Variants in PDAP1 observed in about 807,000 individuals in gnomAD.
The protein encoded by PDAP1 is PDGFA associated protein 1.
In PDAP1, 13 loss-of-function variants were observed where a neutral mutation model predicts 28.0. The observed-to-expected ratio is 0.46, with a 90% CI of 0.30 to 0.74. PDAP1 has a LOEUF of 0.74. Ranked by LOEUF, PDAP1 falls within the 30% of genes least tolerant of loss-of-function variation. PDAP1 has a pLI of 0.07. For missense variants in PDAP1, 150 were observed against 230.0 expected, an observed-to-expected ratio of 0.65 and a Z score of 2.25; for synonymous variants, 77 against 85.1, an observed-to-expected ratio of 0.91 and a Z score of 0.52.
At chr7:99,403,328 A>C (rs560802562) in intron 3 of PDAP1, 70 bp downstream of exon 3, 4 of 932,748 alleles carry the variant, frequency 4.3e-6, no homozygotes, top group Middle Eastern at 2.6e-4. Flanking sequence ...GACTAGTACT[A>C]AACGGTCACT....
chr7:99,408,496 G>T (rs1295197258), intron 1 of PDAP1, 40 bp downstream of exon 1: 4 of 1,335,284 alleles, frequency 3.0e-6, no homozygotes, highest in South Asian at 1.8e-5. Flanking sequence ...GACCTGGGCC[G>T]CCCCTCCAGG....
chr7:99,406,630 G>A lies in PDAP1; in HGVS notation c.14-1677C>T, dbSNP rs553239894. ...CCATCAGCCAGTTTTAAAGCAAGGT[G>A]GCATCCCCCTCTGCTGGTCCCCAAG... On this transcript the variant is annotated intron_variant, in intron 1 of 5. Coordinates refer to ENST00000350498, the MANE Select transcript of PDAP1 (RefSeq NM_014891.7). The A allele has an allele frequency of 3.0e-6, 3 of 985,000 alleles. No homozygotes were observed. In the East Asian group the frequency reaches 3.4e-4, roughly 112 times the overall value. 61.0% of individuals were successfully genotyped at this position (985,000 alleles called of 1,614,324 possible).
intron 1 of PDAP1, among the ~76,000 whole-genome samples, chr7:99,407,403 G>C (rs190014095): frequency 3.3e-4 from 50 of 152,316 alleles, no homozygotes; most frequent in African/African-American, 1.1e-3. Context: ...CAATAGCAGA[G>C]AGACTTTTCC....
At chr7:99,404,258 C>A (rs1046324656) in intron 2 of PDAP1, among the ~76,000 whole-genome samples, 1 of 152,118 alleles carries the variant, frequency 6.6e-6, no homozygotes, top group Admixed American at 6.5e-5. Flanking sequence ...GGCCCTTGAT[C>A]CAGGCATCAA....
At chr7:99,407,396 T>C (rs987646588) in intron 1 of PDAP1, among the ~76,000 whole-genome samples, 4 of 152,172 alleles carry the variant, frequency 2.6e-5, no homozygotes, top group African/African-American at 9.7e-5. Context: ...TGGGGAACAA[T>C]AGCAGAGAGA....
Position 99,396,365 on chromosome 7 carries a change from G to C in PDAP1, c.*317C>G. On this transcript the variant is annotated 3_prime_UTR_variant, in exon 6 of 6. Coordinates refer to ENST00000350498, the MANE Select transcript of PDAP1 (RefSeq NM_014891.7). Reference sequence around the variant, plus strand: ...CTATCTATCTACCAGACAAATGAAAGCTCTTCTTACCCCATCTCCCAGGCA... The same window carrying C: ...CTATCTATCTACCAGACAAATGAAACCTCTTCTTACCCCATCTCCCAGGCA... 1 of 424,328 alleles carries C rather than the reference G, an allele frequency of 2.4e-6. No individual in the cohort carries two copies. The highest frequency in any genetic ancestry group is 4.4e-6 in the Non-Finnish European group (1 of 228,004). The allele number at this position is 424,328 out of a possible 1,614,324, so 26.3% of individuals were successfully genotyped here. A position where few individuals can be genotyped will look rare whatever the true frequency, so the allele number is the denominator to read the frequency against.
chr7:99,400,280 C>T (rs1263414406), intron 4 of PDAP1, 23 bp downstream of exon 4: 1 of 1,612,464 alleles, frequency 6.2e-7, no homozygotes, highest in Non-Finnish European at 8.5e-7. Flanking sequence ...CCCCGTGACA[C>T]AAGGCCCAGC....
At chr7:99,398,126 G>A (rs1794799962) in intron 4 of PDAP1, 113 bp from the exon 5 acceptor site, 1 of 1,239,312 alleles carries the variant, frequency 8.1e-7, no homozygotes. Context: ...TGGAAGGGGT[G>A]CCCTGGCTGT....
Position 99,404,866 on chromosome 7 carries a change from G to C in PDAP1, c.101C>G (p.Ala34Gly). 6.2e-7 allele frequency: 1 copy of C among 1,611,740 alleles called. No homozygotes were observed. The highest frequency in any genetic ancestry group is 8.5e-7 in the Non-Finnish European group (1 of 1,179,376). Residue 34 changes from alanine to glycine, a missense_variant, in exon 2 of 6, where the codon GCC (alanine) becomes GGC (glycine). Coordinates refer to ENST00000350498, the MANE Select transcript of PDAP1 (RefSeq NM_014891.7). Reference protein sequence around the residue: ...DAQLQAEKQKAREEEEQKEGG... With the variant: ...DAQLQAEKQKGREEEEQKEGG... ...CCTGGACAGGCACGTACTCACCCTG[G>C]CCTTCTGCTTCTCAGCCTGCAGCTG...
In PDAP1 at chr7:99,396,336, C is replaced by T. The variant is rs1794759280; in HGVS notation, c.*346G>A. ...GCCTCCTGGGACAACCACCCCCTTA[C>T]ATGCTATCTATCTACCAGACAAATG... On this transcript the variant is annotated 3_prime_UTR_variant, in exon 6 of 6. Coordinates refer to ENST00000350498, the MANE Select transcript of PDAP1 (RefSeq NM_014891.7). 2.7e-6 allele frequency: 1 copy of T among 365,498 alleles called. No individual in the cohort carries two copies. Among genetic ancestry groups the T allele is most frequent in the African/African-American group, 2.1e-5 (1 of 46,646 alleles). 22.6% of individuals were successfully genotyped at this position (365,498 alleles called of 1,614,324 possible).
chr7:99,398,976 G>A (rs887460048), intron 4 of PDAP1, among the ~76,000 whole-genome samples: 8 of 152,234 alleles, frequency 5.3e-5, no homozygotes, highest in Non-Finnish European at 1.0e-4. Context: ...GCTTCCTTTT[G>A]AGGATCTTCC....
intron 4 of PDAP1, among the ~76,000 whole-genome samples, chr7:99,398,753 A>T (rs1483517732): frequency 6.6e-6 from 1 of 152,220 alleles, no homozygotes; most frequent in Non-Finnish European, 1.5e-5. Context: ...AAGCAGCCAC[A>T]GGGCATAGGA....
intron 3 of PDAP1, 77 bp downstream of exon 3, chr7:99,403,321 T>A: frequency 1.2e-6 from 1 of 852,604 alleles, no homozygotes; most frequent in African/African-American, 1.7e-5. Flanking sequence ...CCTTTGGGAC[T>A]AGTACTAAAC....
At chr7:99,407,364 C>T (rs1268756541) in intron 1 of PDAP1, among the ~76,000 whole-genome samples, 1 of 152,178 alleles carries the variant, frequency 6.6e-6, no homozygotes, top group Non-Finnish European at 1.5e-5. Context: ...ATTCAGCAAC[C>T]TCCTTTTACA....
chr7:99,398,397 A>G (rs555058676), intron 4 of PDAP1, among the ~76,000 whole-genome samples: 20 of 152,332 alleles, frequency 1.3e-4, no homozygotes, highest in African/African-American at 4.3e-4. Context: ...ACCACATCCT[A>G]CAAGGAAGGA....
intron 3 of PDAP1, 130 bp downstream of exon 3, chr7:99,403,268 C>A: frequency 1.6e-6 from 1 of 641,258 alleles, no homozygotes; most frequent in Admixed American, 2.6e-5. Flanking sequence ...GTTGTATCTC[C>A]CGTAGTGTAA....
chr7:99,405,941 G>A (rs1794963510), intron 1 of PDAP1, among the ~76,000 whole-genome samples: 3 of 152,168 alleles, frequency 2.0e-5, no homozygotes, highest in African/African-American at 7.2e-5. Flanking sequence ...GCCTGCTACT[G>A]AATAAGCACT....
In PDAP1 at chr7:99,401,183, G is replaced by T. The variant is rs574526155; in HGVS notation, c.214-759C>A. On this transcript the variant is annotated intron_variant, in intron 3 of 5. Coordinates refer to ENST00000350498, the MANE Select transcript of PDAP1 (RefSeq NM_014891.7). ...CTGTAAACTTAACATGTCCAAGACA[G>T]AACTCGAGATTCATCCTTTACCCAA... 5.9e-5 allele frequency among the ~76,000 whole-genome samples: 9 copies of T among 152,268 alleles called. No individual in the cohort carries two copies. The South Asian group carries it at 1.9e-3, about 32-fold the overall frequency.
At chr7:99,400,071 T>C (rs1484607717) in intron 4 of PDAP1, among the ~76,000 whole-genome samples, 3 of 152,222 alleles carry the variant, frequency 2.0e-5, no homozygotes, top group Non-Finnish European at 2.9e-5. Context: ...TCCTGCACCA[T>C]TACCTCAAGT....
Sources: gnomAD v4.1 joint callset for allele counts (sites outside exome capture counted in the v4.1 genomes callset) on GRCh38, gnomAD v4.1.1 for gene constraint, MANE v1.5 for transcripts, NCBI Gene and HGNC (gene_info 2026-07-23, HGNC 2026-07-21) for gene names.